Variants in KLF12 observed in about 807,000 individuals in gnomAD.
KLF12 encodes the protein KLF transcription factor 12.
In KLF12, 9 loss-of-function variants were observed where a neutral mutation model predicts 37.8. The observed-to-expected ratio is 0.24, with a 90% CI of 0.14 to 0.42. KLF12 has a LOEUF of 0.42. KLF12 is among the 10% of genes least tolerant of loss of function. The pLI is 1.00. For missense variants in KLF12, 411 were observed against 516.0 expected (o/e 0.80, Z 1.97); for synonymous variants, 208 against 202.1 (o/e 1.03, Z -0.25).
At chr13:74,028,516 C>A (rs1893033836) in intron 1 of KLF12, among the ~76,000 whole-genome samples, 1 of 152,002 alleles carries the variant, frequency 6.6e-6, no homozygotes, top group Non-Finnish European at 1.5e-5. Context: ...TAACGTTTTT[C>A]TAAGTACTTA....
At chr13:74,028,958 T>A (rs1893046377) in intron 1 of KLF12, among the ~76,000 whole-genome samples, 2 of 152,112 alleles carry the variant, frequency 1.3e-5, no homozygotes, top group African/African-American at 4.8e-5. Context: ...ATATTTACCA[T>A]TGAGTACTAA....
intron 3 of KLF12, among the ~76,000 whole-genome samples, chr13:73,860,124 A>G (rs1213202791): frequency 2.0e-5 from 3 of 152,120 alleles, no homozygotes; most frequent in East Asian, 1.9e-4. Context: ...CAGTTCACTC[A>G]TTGTCTCTCT....
intron 3 of KLF12, among the ~76,000 whole-genome samples, chr13:73,856,693 C>T (rs1441921985): frequency 6.6e-6 from 1 of 151,992 alleles, no homozygotes; most frequent in African/African-American, 2.4e-5. Flanking sequence ...ACTATTTAAA[C>T]CAAACAAAAA....
chr13:73,885,987 T>C (rs146616545), intron 3 of KLF12, among the ~76,000 whole-genome samples: 32 of 152,316 alleles, frequency 2.1e-4, no homozygotes, highest in Admixed American at 2.6e-4. Flanking sequence ...AGGTTGGTGT[T>C]ACTTATTGAG....
intron 1 of KLF12, among the ~76,000 whole-genome samples, chr13:74,090,593 A>T (rs1038097460): frequency 6.6e-6 from 1 of 152,166 alleles, no homozygotes; most frequent in African/African-American, 2.4e-5. Context: ...CATTTCCCTG[A>T]TGACTAATGA....
intron 1 of KLF12, among the ~76,000 whole-genome samples, chr13:74,115,727 C>G (rs1473260512): frequency 6.7e-6 from 1 of 150,334 alleles, no homozygotes; most frequent in Non-Finnish European, 1.5e-5. Flanking sequence ...AAAATCTTTT[C>G]CTTGCCTCTT....
chr13:73,818,343 C>T (rs1037843806), intron 4 of KLF12, among the ~76,000 whole-genome samples: 1 of 152,230 alleles, frequency 6.6e-6, no homozygotes, highest in South Asian at 2.1e-4. Context: ...TCAGCTGAGA[C>T]TTGATAGGAT....
chr13:73,995,181 ATCTT>A, intron 1 of KLF12, 128 bp from the exon 2 acceptor site: 3 of 629,260 alleles, frequency 4.8e-6, no homozygotes, highest in Non-Finnish European at 8.1e-6. Flanking sequence ...GCTGAGGAAT[ATCTT>A]TTCTTCAGCT....
intron 5 of KLF12, among the ~76,000 whole-genome samples, chr13:73,798,230 A>G (rs1731118888): frequency 6.6e-6 from 1 of 152,202 alleles, no homozygotes; most frequent in African/African-American, 2.4e-5. Context: ...TAGAAGAGTG[A>G]AGCTTGACCC....
At chr13:74,199,142 C>T in the KLF12 span, among the ~76,000 whole-genome samples, 32 of 152,298 alleles carry the variant, frequency 2.1e-4, no homozygotes, top group African/African-American at 6.5e-4. Context: ...CAGTGCGGAT[C>T]GAAAGGTCAT....
chr13:74,134,753 C>T (rs1305461144), upstream of KLF12, among the ~76,000 whole-genome samples: 2 of 151,974 alleles, frequency 1.3e-5, no homozygotes, highest in Admixed American at 1.3e-4. Context: ...AGAAAGTCTC[C>T]TCTTTTGTGT....
At chr13:73,743,145 A>AGCATGTAACAT (rs1366282078) in intron 6 of KLF12, among the ~76,000 whole-genome samples, 3 of 152,246 alleles carry the variant, frequency 2.0e-5, no homozygotes, top group Non-Finnish European at 4.4e-5. Flanking sequence ...AGCTGAAAGC[A>AGCATGTAACAT]GCATGTAACA....
intron 3 of KLF12, among the ~76,000 whole-genome samples, chr13:73,887,603 C>T (rs1250203099): frequency 1.3e-5 from 2 of 152,148 alleles, no homozygotes; most frequent in Non-Finnish European, 2.9e-5. Flanking sequence ...GCCAATTAAA[C>T]CTCTTTTCTT....
At chr13:74,272,761 G>A in the KLF12 span, among the ~76,000 whole-genome samples, 1 of 152,178 alleles carries the variant, frequency 6.6e-6, no homozygotes, top group African/African-American at 2.4e-5. Context: ...AGAAGGGAAA[G>A]TGAGTGATCT....
At chr13:73,787,542 C>CA (rs1460358917) in intron 5 of KLF12, among the ~76,000 whole-genome samples, 3 of 152,158 alleles carry the variant, frequency 2.0e-5, no homozygotes, top group Non-Finnish European at 4.4e-5. Context: ...AAGCACATTA[C>CA]AAACATTTCA....
chr13:73,959,397 G>A (rs1356807663), intron 2 of KLF12, among the ~76,000 whole-genome samples: 2 of 151,896 alleles, frequency 1.3e-5, no homozygotes, highest in African/African-American at 4.8e-5. Flanking sequence ...TATGTCTACA[G>A]CTTAACTAAT....
chr13:74,015,410 G>A (rs1459915564), intron 1 of KLF12, among the ~76,000 whole-genome samples: 1 of 152,076 alleles, frequency 6.6e-6, no homozygotes, highest in Non-Finnish European at 1.5e-5. Flanking sequence ...GGAATTAAAC[G>A]AAATAATGCG....
At chr13:73,894,416 C>T (rs964012107) in intron 3 of KLF12, among the ~76,000 whole-genome samples, 2 of 152,114 alleles carry the variant, frequency 1.3e-5, no homozygotes, top group South Asian at 2.1e-4. Context: ...TCCTAATCTC[C>T]CACCAATATC....
the KLF12 span, among the ~76,000 whole-genome samples, chr13:74,153,485 T>C: frequency 1.3e-5 from 2 of 152,178 alleles, no homozygotes; most frequent in African/African-American, 4.8e-5. Flanking sequence ...TATGCTAAGT[T>C]CATACCCTTT....
Sources: allele counts gnomAD v4.1 joint callset (sites outside exome capture counted in the v4.1 genomes callset), GRCh38; gene constraint gnomAD v4.1.1; transcripts MANE v1.5; gene names NCBI Gene and HGNC (gene_info 2026-07-23, HGNC 2026-07-21).